Variants in TK2 observed in about 807,000 individuals in gnomAD.
The protein encoded by TK2 is thymidine kinase 2.
In TK2, 35 loss-of-function variants were observed where a neutral mutation model predicts 41.9. The observed-to-expected ratio is 0.84, with a 90% CI of 0.64 to 1.11. TK2 has a LOEUF of 1.11. Among genes scored for constraint, TK2 ranks in the 50% least tolerant of loss-of-function variants. TK2 has a pLI of 0.00. For synonymous variants in TK2, 128 were observed against 129.1 expected (o/e 0.99, Z 0.06); for missense variants, 320 against 351.1 (o/e 0.91, Z 0.71).
intron 1 of TK2, 78 bp from the exon 2 acceptor site, chr16:66,549,087 A>G (rs905883896): frequency 6.2e-7 from 1 of 1,602,204 alleles, no homozygotes; most frequent in African/African-American, 1.3e-5. Context: ...CATGACCACA[A>G]AAACACTAAT....
chr16:66,531,457 G>C lies in TK2; in HGVS notation c.298C>G (p.His100Asp), dbSNP rs768855219. ...GTAAGACCCCAGCGAGAGGCATCGT[G>C]GTACATCAGGCCCTGCAGAAGGGAA... ...RGHNPLGLMY[H>D]DASRWGLTLQ... The change falls in exon 5 of 10, where the codon CAC becomes GAC. Residue 100 changes from histidine (H) to aspartate (D), a missense_variant. Coordinates refer to ENST00000544898, the MANE Select transcript of TK2 (RefSeq NM_004614.5). 11 of 1,614,018 alleles carry C rather than the reference G, an allele frequency of 6.8e-6. No homozygotes were observed.
chr16:66,529,779 G>C (rs961997508), intron 5 of TK2, among the ~76,000 whole-genome samples: 1 of 152,154 alleles, frequency 6.6e-6, no homozygotes, highest in African/African-American at 2.4e-5. Flanking sequence ...CAGATTCAAA[G>C]CCATAACCCA....
rs1271130919 is a variant in TK2 at position 66,509,189 on chromosome 16, G to T, written c.*2779C>A. ...TTACCAGCATCTGGATTAAAGAGTG[G>T]ATGGGGAGCAGTGGGCTCTGATGCC... On this transcript the variant is annotated 3_prime_UTR_variant, in exon 10 of 10. Transcript: ENST00000544898. 1 of 152,232 alleles carries T rather than the reference G, an allele frequency of 6.6e-6. No homozygotes were observed. The highest frequency in any genetic ancestry group is 6.5e-5 in the Admixed American group (1 of 15,282). The allele number at this position is 152,232 out of a possible 1,614,324, so 9.4% of individuals were successfully genotyped here.
intron 3 of TK2, 58 bp from the exon 4 acceptor site, chr16:66,537,075 G>A (rs1314016547): frequency 2.5e-6 from 4 of 1,600,688 alleles, no homozygotes; most frequent in East Asian, 2.2e-5. Flanking sequence ...CTGTAAAAGT[G>A]TGTAAGTGTT....
In TK2 at chr16:66,511,238, A is replaced by C. The variant is rs1964440965; in HGVS notation, c.*730T>G. ...CAATGTCCACATGAAGATGTGGTAG[A>C]TGGGGCTGCAGCGACCTCGGGCAGG... On this transcript the variant is annotated 3_prime_UTR_variant, in exon 10 of 10. Transcript: ENST00000544898. 6.5e-6 allele frequency: 1 copy of C among 154,436 alleles called. No homozygotes were observed. The highest frequency in any genetic ancestry group is 1.4e-5 in the Non-Finnish European group (1 of 69,588). The allele number at this position is 154,436 out of a possible 1,614,324, so 9.6% of individuals were successfully genotyped here.
At chr16:66,513,635 G>T in intron 9 of TK2, 96 bp downstream of exon 9, 1 of 1,113,366 alleles carries the variant, frequency 9.0e-7, no homozygotes, top group Non-Finnish European at 1.4e-6. Flanking sequence ...AAACTCTAAA[G>T]GACTGTGCCC....
chr16:66,522,455 T>C (rs1964808726), intron 6 of TK2, among the ~76,000 whole-genome samples: 1 of 152,248 alleles, frequency 6.6e-6, no homozygotes, highest in Non-Finnish European at 1.5e-5. Context: ...GGCAATCTTG[T>C]AAAACCTTTG....
In TK2 at chr16:66,510,228, A is replaced by AAC. The variant is rs1964411969; in HGVS notation, c.*1739_*1740insGT. The AAC allele has an allele frequency of 6.6e-6, 1 of 151,402 alleles. No homozygotes were observed. The highest frequency in any genetic ancestry group is 2.4e-5 in the African/African-American group (1 of 41,232). The allele number at this position is 151,402 out of a possible 1,614,324, so 9.4% of individuals were successfully genotyped here. A position where few individuals can be genotyped will look rare whatever the true frequency, so the allele number is the denominator to read the frequency against. ...CCTTAGGCAAAAAAAAAAAAAAAAAAAGAGAGAGAAATCACATTTCCCCAA... is the reference window on the plus strand; with the variant it reads ...CCTTAGGCAAAAAAAAAAAAAAAAAAACAGAGAGAGAAATCACATTTCCCCAA... On this transcript the variant is annotated 3_prime_UTR_variant, in exon 10 of 10. Coordinates refer to ENST00000544898, the MANE Select transcript of TK2 (RefSeq NM_004614.5).
At chr16:66,536,934 G>A (rs774323794) in intron 4 of TK2, 30 bp downstream of exon 4, 63 of 1,613,478 alleles carry the variant, frequency 3.9e-5, no homozygotes, top group Admixed American at 8.3e-5. Context: ...AGGGGAAGCC[G>A]GGGGTTCATG....
rs1964516901 is a variant in TK2 at position 66,513,671 on chromosome 16, T to C, written c.699+60A>G. On this transcript the variant is annotated intron_variant, in intron 9 of 9. Coordinates refer to ENST00000544898, the MANE Select transcript of TK2 (RefSeq NM_004614.5). ...TCCCCTGTCTGCAAGGTGGCTGACA[T>C]TCCCCGGGTCACTCCTCTTTCTAGA... 2.0e-6 allele frequency: 3 copies of C among 1,524,262 alleles called. No homozygotes were observed. The Admixed American group carries it at 5.1e-5, about 26-fold the overall frequency. The allele number at this position is 1,524,262 out of a possible 1,614,324, so 94.4% of individuals were successfully genotyped here.
At chr16:66,548,362 GTTCTT>G (rs1379191634) in intron 2 of TK2, among the ~76,000 whole-genome samples, 1 of 152,102 alleles carries the variant, frequency 6.6e-6, no homozygotes. Flanking sequence ...GGGACTTTCA[GTTCTT>G]TTAAGGAATT....
At chr16:66,523,523 G>A (rs916954155) in intron 6 of TK2, among the ~76,000 whole-genome samples, 8 of 152,142 alleles carry the variant, frequency 5.3e-5, no homozygotes, top group East Asian at 1.9e-4. Context: ...TGAAGGAGCC[G>A]AAACCTCTAA....
At chr16:66,518,989 T>C (rs1442543092) in intron 6 of TK2, among the ~76,000 whole-genome samples, 1 of 152,080 alleles carries the variant, frequency 6.6e-6, no homozygotes, top group Non-Finnish European at 1.5e-5. Context: ...TGAGACGTAG[T>C]GTCGCTCTGT....
At chr16:66,541,165 T>C (rs1345982641) in intron 3 of TK2, among the ~76,000 whole-genome samples, 1 of 152,190 alleles carries the variant, frequency 6.6e-6, no homozygotes, top group Non-Finnish European at 1.5e-5. Context: ...GAATTTCGTG[T>C]TTTGGCTTGG....
At chr16:66,538,382 C>G (rs556219699) in intron 3 of TK2, among the ~76,000 whole-genome samples, 1 of 152,160 alleles carries the variant, frequency 6.6e-6, no homozygotes, top group Non-Finnish European at 1.5e-5. Flanking sequence ...CAAACCCCCT[C>G]TCCTTCTTCT....
chr16:66,549,795 G>T (rs1189732252), intron 1 of TK2, 143 bp downstream of exon 1: 2 of 1,283,658 alleles, frequency 1.6e-6, no homozygotes, highest in African/African-American at 1.6e-5. Flanking sequence ...GCCGATGGCC[G>T]CCCCCGTCCC....
intron 3 of TK2, among the ~76,000 whole-genome samples, chr16:66,539,673 A>G (rs1210910751): frequency 6.6e-6 from 1 of 152,016 alleles, no homozygotes; most frequent in Admixed American, 6.6e-5. Context: ...GCAGGTGCAA[A>G]GTCTGGAGGA....
intron 6 of TK2, among the ~76,000 whole-genome samples, chr16:66,522,103 T>C (rs1448314114): frequency 6.6e-6 from 1 of 152,168 alleles, no homozygotes; most frequent in African/African-American, 2.4e-5. Context: ...GGTCCAAGCC[T>C]GGCTCTCCCT....
intron 2 of TK2, among the ~76,000 whole-genome samples, chr16:66,543,799 G>A (rs531887181): frequency 3.9e-5 from 6 of 152,212 alleles, no homozygotes; most frequent in Non-Finnish European, 5.9e-5. Flanking sequence ...GTCAGCTGGC[G>A]GAGAAGGTTC....
Sources: gnomAD v4.1 joint callset for allele counts (sites outside exome capture counted in the v4.1 genomes callset) on GRCh38, gnomAD v4.1.1 for gene constraint, MANE v1.5 for transcripts, NCBI Gene and HGNC (gene_info 2026-07-23, HGNC 2026-07-21) for gene names.